LMCD1: variants seen among roughly 807,000 people sequenced by gnomAD.
The protein encoded by LMCD1 is LIM and cysteine-rich domains protein 1.
A neutral mutation model predicts 42.7 loss-of-function variants in LMCD1; 32 were observed. That is an observed-to-expected ratio of 0.75 (90% CI 0.57 to 1.01). The LOEUF (loss-of-function observed/expected upper bound fraction) is 1.01. Among genes scored for constraint, LMCD1 ranks in the 50% least tolerant of loss-of-function variants. LMCD1 has a pLI of 0.00. For synonymous variants in LMCD1, 178 were observed against 184.9 expected, an observed-to-expected ratio of 0.96 and a Z score of 0.30; for missense variants, 458 against 483.1, an observed-to-expected ratio of 0.95 and a Z score of 0.49.
At chr3:8,520,587 C>T (rs1189370714) in intron 1 of LMCD1, among the ~76,000 whole-genome samples, 2 of 152,076 alleles carry the variant, frequency 1.3e-5, no homozygotes, top group Non-Finnish European at 2.9e-5. Context: ...ATAAGATTCC[C>T]AGGGAGTTTG....
At chr3:8,515,096 A>C in intron 1 of LMCD1, 1 of 445,742 alleles carries the variant, frequency 2.2e-6, no homozygotes. Context: ...ATGTGAGGCC[A>C]AAGCATGGAA....
At chr3:8,512,871 G>A (rs1694027852) in intron 1 of LMCD1, among the ~76,000 whole-genome samples, 1 of 152,218 alleles carries the variant, frequency 6.6e-6, no homozygotes. Flanking sequence ...TGACTTGCTT[G>A]AGGTCACAGA....
rs908227942 is a variant in LMCD1 at position 8,565,451 on chromosome 3, G to A, written c.743G>A (p.Gly248Glu). 7 of 1,614,036 alleles carry A rather than the reference G, an allele frequency of 4.3e-6. No individual in the cohort carries two copies. The highest frequency in any genetic ancestry group is 5.1e-6 in the Non-Finnish European group (6 of 1,180,026). Residue 248 changes from glycine (G) to glutamate (E), a missense_variant, in exon 5 of 6, where the codon GGA becomes GAA. Coordinates refer to ENST00000157600, the MANE Select transcript of LMCD1 (RefSeq NM_014583.4). ...TTCCAGGTCTGCGAGCTCTGCAAGG[G>A]AGCGGCCCCTCCTGACAGCCCCGTG... The part of the protein sequence containing the change: ...EVEYVCELCK[G>E]AAPPDSPVVY...
chr3:8,517,706 C>A (rs1226330536), intron 1 of LMCD1, among the ~76,000 whole-genome samples: 1 of 152,186 alleles, frequency 6.6e-6, no homozygotes, highest in African/African-American at 2.4e-5. Context: ...TCACTTTAAA[C>A]AATTGGCAAG....
intron 1 of LMCD1, among the ~76,000 whole-genome samples, chr3:8,517,578 A>C (rs186978865): frequency 6.6e-6 from 1 of 152,314 alleles, no homozygotes; most frequent in Non-Finnish European, 1.5e-5. Flanking sequence ...GACAACATTG[A>C]ACCATGTTAG....
chr3:8,528,471 C>T (rs1407591890), intron 1 of LMCD1, among the ~76,000 whole-genome samples: 2 of 152,130 alleles, frequency 1.3e-5, no homozygotes, highest in Non-Finnish European at 2.9e-5. Flanking sequence ...GCTGGGATTA[C>T]AGGAATGAGC....
rs1266727381 is a variant in LMCD1, at chr3:8,568,597, A to AATC, written c.*1000_*1002dup. 1 of 152,248 alleles carries AATC rather than the reference A, an allele frequency of 6.6e-6. No individual in the cohort carries two copies. The highest frequency in any genetic ancestry group is 2.4e-5 in the African/African-American group (1 of 41,480). The allele number at this position is 152,248 out of a possible 1,614,324, so 9.4% of individuals were successfully genotyped here. On this transcript the variant is annotated 3_prime_UTR_variant, in exon 6 of 6. Transcript: ENST00000157600. ...AAACAAAATTTTTTCAATAAAAATTAATCTAAAATTTAACAATGCCACTTT... is the reference window on the plus strand; with the variant it reads ...AAACAAAATTTTTTCAATAAAAATTAATCATCTAAAATTTAACAATGCCACTTT...
chr3:8,533,829 G>T (rs374330088), intron 2 of LMCD1, among the ~76,000 whole-genome samples: 1 of 152,050 alleles, frequency 6.6e-6, no homozygotes, highest in East Asian at 1.9e-4. Context: ...GCTCCTAATC[G>T]TTCTGCAGTA....
intron 1 of LMCD1, among the ~76,000 whole-genome samples, chr3:8,503,511 G>A (rs1358304275): frequency 6.6e-6 from 1 of 152,198 alleles, no homozygotes; most frequent in Non-Finnish European, 1.5e-5. Context: ...TTGCTACCTA[G>A]TAGTGAGTTA....
chr3:8,563,453 G>A (rs1695075615), intron 4 of LMCD1, among the ~76,000 whole-genome samples: 1 of 152,212 alleles, frequency 6.6e-6, no homozygotes, highest in African/African-American at 2.4e-5. Flanking sequence ...ATGTGTGCGG[G>A]GCCCAGTAGA....
chr3:8,525,852 C>G (rs892799870), intron 1 of LMCD1, among the ~76,000 whole-genome samples: 1 of 152,176 alleles, frequency 6.6e-6, no homozygotes, highest in East Asian at 1.9e-4. Flanking sequence ...TGTAATCAAC[C>G]CCCAGAGATT....
intron 5 of LMCD1, among the ~76,000 whole-genome samples, chr3:8,566,315 T>G (rs1695132873): frequency 6.6e-6 from 1 of 152,250 alleles, no homozygotes; most frequent in Non-Finnish European, 1.5e-5. Flanking sequence ...GATCATAGTA[T>G]GTACTATTTG....
intron 1 of LMCD1, among the ~76,000 whole-genome samples, chr3:8,510,775 A>G (rs527621103): frequency 1.3e-5 from 2 of 152,360 alleles, no homozygotes; most frequent in East Asian, 3.9e-4. Flanking sequence ...TTGTTTTTAT[A>G]TATTGATACT....
rs185563101 is a variant in LMCD1 at position 8,553,357 on chromosome 3, T to C, written c.723+4454T>C. ...AAGTTCTCCCACCCAGCCCCCCACC[T>C]AACCATCCTCATTGGAAAAAAATGT... On this transcript the variant is annotated intron_variant, in intron 4 of 5. Coordinates refer to ENST00000157600, the MANE Select transcript of LMCD1 (RefSeq NM_014583.4). Among the ~76,000 whole-genome samples the C allele has an allele frequency of 6.0e-3, 909 of 152,268 alleles. 21 individuals carry two copies. The highest frequency in any genetic ancestry group is 3.7e-3 in the Non-Finnish European group (254 of 68,002).
intron 3 of LMCD1, among the ~76,000 whole-genome samples, chr3:8,546,110 G>T (rs1440552825): frequency 6.6e-6 from 1 of 152,022 alleles, no homozygotes; most frequent in African/African-American, 2.4e-5. Context: ...TCCAGCCTGG[G>T]TGACAGAGCG....
At chr3:8,555,159 G>T (rs927915595) in intron 4 of LMCD1, among the ~76,000 whole-genome samples, 14 of 152,078 alleles carry the variant, frequency 9.2e-5, no homozygotes, top group African/African-American at 3.1e-4. Flanking sequence ...ATGCTGAGAG[G>T]GGGACGGGAG....
intron 1 of LMCD1, among the ~76,000 whole-genome samples, chr3:8,528,041 A>G (rs1694332372): frequency 2.6e-5 from 4 of 152,166 alleles, no homozygotes; most frequent in Admixed American, 2.0e-4. Flanking sequence ...TCTCTATTGG[A>G]CCAAGATCTG....
chr3:8,551,192 G>A lies in LMCD1; in HGVS notation c.723+2289G>A, dbSNP rs947741165. ...AATTAGTGAATCGATGTCTGTCACC[G>A]TCTGTAGATGCTGAGGTCTTGTTCA... On this transcript the variant is annotated intron_variant, in intron 4 of 5. Coordinates refer to ENST00000157600, the MANE Select transcript of LMCD1 (RefSeq NM_014583.4). The A allele has an allele frequency of 4.3e-5, 42 of 985,216 alleles. 1 individual carries two copies. The highest frequency in any genetic ancestry group is 5.2e-4 in the Middle Eastern group (1 of 1,914). 61.0% of individuals were successfully genotyped at this position (985,216 alleles called of 1,614,324 possible).
chr3:8,520,659 G>A (rs1390813509), intron 1 of LMCD1, among the ~76,000 whole-genome samples: 1 of 152,192 alleles, frequency 6.6e-6, no homozygotes, highest in African/African-American at 2.4e-5. Context: ...GGCTGACAGG[G>A]CATATCTAGG....
Sources: allele counts gnomAD v4.1 joint callset (sites outside exome capture counted in the v4.1 genomes callset), GRCh38; gene constraint gnomAD v4.1.1; transcripts MANE v1.5; gene names NCBI Gene and HGNC (gene_info 2026-07-23, HGNC 2026-07-21).